CXXC5: variants seen among roughly 807,000 people sequenced by gnomAD.
The protein encoded by CXXC5 is CXXC-type zinc finger protein 5.
Under a neutral mutation model 17.6 loss-of-function variants are expected in CXXC5, and 2 were observed. The observed-to-expected ratio is 0.11, with a 90% CI of 0.05 to 0.36. The LOEUF is 0.36. CXXC5 is among the 10% of genes least tolerant of loss of function. The probability of loss-of-function intolerance (pLI) is 1.00; values close to 1 mark genes in which losing one functional copy is unlikely to be tolerated. For synonymous variants in CXXC5, 171 were observed against 193.0 expected (o/e 0.89, Z 0.94); for missense variants, 343 against 458.3 (o/e 0.75, Z 2.30).
chr5:139,682,524 C>A (rs961717802), intron 2 of CXXC5, among the ~76,000 whole-genome samples: 12 of 152,232 alleles, frequency 7.9e-5, no homozygotes, highest in African/African-American at 2.9e-4. Context: ...CACCCATATG[C>A]ACACCCGTCG....
rs1755930195 is a variant in CXXC5 at position 139,663,465 on chromosome 5, A to G, written c.-161+14620A>G. On this transcript the variant is annotated intron_variant, in intron 1 of 2. Transcript: ENST00000302517. This position sits in a 1 kb window ranked among gnomAD's most constrained non-coding sequence, Gnocchi z 4.2. ...AGGAGGAAAGGCTGTCTAGAAGTGT[A>G]GGTAGGCCTTCTTCCTTTGGGCAGA... Among the ~76,000 whole-genome samples, 3 of 152,218 alleles carry G rather than the reference A, an allele frequency of 2.0e-5. No homozygotes were observed. The highest frequency in any genetic ancestry group is 3.4e-3 in the Middle Eastern group (1 of 294).
intron 1 of CXXC5, among the ~76,000 whole-genome samples, chr5:139,650,317 G>A (rs531355736): frequency 1.3e-5 from 2 of 152,170 alleles, no homozygotes; most frequent in Admixed American, 1.3e-4. Flanking sequence ...CTAAGGGGGT[G>A]ACCAGCGGAC....
In CXXC5 at chr5:139,653,193, GA is replaced by G. The variant is rs996865203; in HGVS notation, c.-161+4350del. On this transcript the variant is annotated intron_variant, in intron 1 of 2. Coordinates refer to ENST00000302517, the MANE Select transcript of CXXC5 (RefSeq NM_016463.9). ...GTCTGCCTGCCTGCTGGGAGTTTTG[GA>G]AGCCGCAGAGGGAGACAGGCTGGGG... 4.6e-5 allele frequency among the ~76,000 whole-genome samples: 7 copies of G among 152,310 alleles called. No homozygotes were observed. The East Asian group carries it at 1.4e-3, about 29-fold the overall frequency.
intron 1 of CXXC5, among the ~76,000 whole-genome samples, chr5:139,665,991 A>T (rs1429989618): frequency 6.6e-6 from 1 of 152,184 alleles, no homozygotes; most frequent in Non-Finnish European, 1.5e-5. Context: ...CCAAAAATAG[A>T]CCAGTTCTTC....
intron 1 of CXXC5, among the ~76,000 whole-genome samples, chr5:139,649,911 T>C (rs1402294192): frequency 6.6e-6 from 1 of 152,188 alleles, no homozygotes; most frequent in Non-Finnish European, 1.5e-5. Context: ...TGGGGGAAGT[T>C]GTCCTCGCCC....
intron 1 of CXXC5, among the ~76,000 whole-genome samples, chr5:139,660,297 CG>C (rs1755722824): frequency 2.0e-5 from 3 of 152,164 alleles, no homozygotes; most frequent in Admixed American, 2.0e-4. Flanking sequence ...GGGTTGTGCC[CG>C]ACTGTGGCCT....
intron 1 of CXXC5, chr5:139,649,382 G>C (rs1367744573): frequency 1.3e-5 from 2 of 152,254 alleles, no homozygotes; most frequent in African/African-American, 4.8e-5. Context: ...GCTGCTTGTA[G>C]ATCTCTGGCG....
chr5:139,677,187 C>T (rs1756891394), intron 1 of CXXC5, among the ~76,000 whole-genome samples: 1 of 152,198 alleles, frequency 6.6e-6, no homozygotes, highest in East Asian at 1.9e-4. Flanking sequence ...GGATGTGTTC[C>T]TGGCAGGGCC....
intron 1 of CXXC5, among the ~76,000 whole-genome samples, chr5:139,662,357 G>A (rs553916954): frequency 8.5e-5 from 13 of 152,166 alleles, no homozygotes; most frequent in Non-Finnish European, 1.9e-4. Context: ...GCCTTTTTAA[G>A]CCTCTGCCCG....
Position 139,665,963 on chromosome 5 carries a change from T to C in CXXC5, c.-160-14401T>C, listed in dbSNP as rs114899624. ...AGCTGCTATGGTACACTGACCCCAG[T>C]GTCTCAAGTGCCCCCAACCAAAAAT... On this transcript the variant is annotated intron_variant, in intron 1 of 2. Coordinates refer to ENST00000302517, the MANE Select transcript of CXXC5 (RefSeq NM_016463.9). Among the ~76,000 whole-genome samples the C allele has an allele frequency of 6.7e-3, 1,019 of 152,358 alleles. 9 individuals are homozygous for C. Among genetic ancestry groups the C allele is most frequent in the African/African-American group, 0.023 (974 of 41,574 alleles).
At chr5:139,657,005 G>A (rs1160928023) in intron 1 of CXXC5, among the ~76,000 whole-genome samples, 5 of 152,324 alleles carry the variant, frequency 3.3e-5, no homozygotes, top group Admixed American at 2.0e-4. Context: ...GATTACAGGC[G>A]TGAGCCACCA....
chr5:139,677,090 G>A (rs1756881531), intron 1 of CXXC5, among the ~76,000 whole-genome samples: 1 of 151,900 alleles, frequency 6.6e-6, no homozygotes, highest in Non-Finnish European at 1.5e-5. Context: ...CGCGGCTGGC[G>A]GGGCGGCGGG....
At position 139,668,246 on chromosome 5, in the gene CXXC5, G is replaced by C. The variant is rs545146138; in HGVS notation, c.-160-12118G>C. On this transcript the variant is annotated intron_variant, in intron 1 of 2. Coordinates refer to ENST00000302517, the MANE Select transcript of CXXC5 (RefSeq NM_016463.9). The surrounding 1 kb of genome is among the most constrained non-coding windows in gnomAD (Gnocchi z 4.1). ...TTGAAAGCCTCTAATTGCTGCGCCT[G>C]GTGGCACCGTGGAATGAGGGGAGGC... Among the ~76,000 whole-genome samples, 15 of 152,186 alleles carry C rather than the reference G, an allele frequency of 9.9e-5. No individual in the cohort carries two copies. In the East Asian group the frequency reaches 2.9e-3, roughly 29 times the overall value.
intron 1 of CXXC5, among the ~76,000 whole-genome samples, chr5:139,656,359 C>T (rs1357380129): frequency 1.3e-5 from 2 of 152,250 alleles, no homozygotes; most frequent in Non-Finnish European, 2.9e-5. Flanking sequence ...CCTCAGTGGG[C>T]TTGAGTGGCT....
rs1489366053 is a variant in CXXC5, at chr5:139,671,159, CT to C, written c.-160-9202del. On this transcript the variant is annotated intron_variant, in intron 1 of 2. Transcript: ENST00000302517. ...CTGCCCAACCTCACTGTGTACACCACTTTAGGCCCAAGAGCGCCAGGATGGC... is the reference window on the plus strand; with the variant it reads ...CTGCCCAACCTCACTGTGTACACCACTTAGGCCCAAGAGCGCCAGGATGGC... Among the ~76,000 whole-genome samples, 5 of 152,350 alleles carry C rather than the reference CT, an allele frequency of 3.3e-5. No individual in the cohort carries two copies. In the South Asian group the frequency reaches 6.2e-4, roughly 19 times the overall value.
intron 1 of CXXC5, among the ~76,000 whole-genome samples, chr5:139,669,772 C>T (rs565914048): frequency 7.2e-5 from 11 of 152,298 alleles, no homozygotes; most frequent in African/African-American, 2.6e-4. Flanking sequence ...ATGGCAGGCT[C>T]TGCGTGCTTC....
At chr5:139,653,199 G>T (rs983017669) in intron 1 of CXXC5, among the ~76,000 whole-genome samples, 3 of 152,196 alleles carry the variant, frequency 2.0e-5, no homozygotes, top group African/African-American at 7.2e-5. Flanking sequence ...TTTGGAAGCC[G>T]CAGAGGGAGA....
chr5:139,660,661 GCTC>G (rs1755747481), intron 1 of CXXC5, among the ~76,000 whole-genome samples: 1 of 151,554 alleles, frequency 6.6e-6, no homozygotes, highest in South Asian at 2.1e-4. Context: ...CACACAGTGG[GCTC>G]CTCAGCCTTC....
chr5:139,683,024 C>CTGT lies in CXXC5; in HGVS notation c.*118_*119insGTT. On this transcript the variant is annotated 3_prime_UTR_variant, in exon 3 of 3. Transcript: ENST00000302517. ...CCGTCTTTAGAACCAAAAATATTCT[C>CTGT]TCACAGATTTCATTCCTGTTTTTAT... The CTGT allele has an allele frequency of 1.3e-6, 1 of 792,402 alleles. No individual in the cohort carries two copies. The highest frequency in any genetic ancestry group is 1.8e-6 in the Non-Finnish European group (1 of 553,452). The allele number at this position is 792,402 out of a possible 1,614,324, so 49.1% of individuals were successfully genotyped here. A position where few individuals can be genotyped will look rare whatever the true frequency, so the allele number is the denominator to read the frequency against.
Sources: allele counts gnomAD v4.1 joint callset (sites outside exome capture counted in the v4.1 genomes callset), GRCh38; gene constraint gnomAD v4.1.1; non-coding constraint Gnocchi (gnomAD v3.1); transcripts MANE v1.5; gene names NCBI Gene and HGNC (gene_info 2026-07-23, HGNC 2026-07-21).